The following DUSP15 variants were observed in gnomAD, a reference collection of about 807,000 sequenced individuals.
DUSP15 encodes the protein dual specificity phosphatase 15.
DUSP15 carries 23 observed loss-of-function variants against 26.3 expected under a neutral mutation model. The ratio of observed to expected loss-of-function variants is 0.87; its 90% CI spans 0.63 to 1.24. The LOEUF is 1.24. Among genes scored for constraint, DUSP15 ranks in the 50% most tolerant of loss-of-function variants. DUSP15 has a pLI of 0.00. For missense variants in DUSP15, 364 were observed against 320.6 expected, an observed-to-expected ratio of 1.14 and a Z score of -1.03; for synonymous variants, 143 against 135.5, an observed-to-expected ratio of 1.06 and a Z score of -0.39.
intron 5 of DUSP15, 108 bp downstream of exon 5, chr20:31,863,798 TG>T: frequency 9.1e-7 from 1 of 1,095,358 alleles, no homozygotes; most frequent in Non-Finnish European, 1.4e-6. Context: ...TGTGACAGGC[TG>T]GAGAAGATCC....
At position 31,870,085 on chromosome 20, in the gene DUSP15, G is replaced by A; in HGVS notation, c.21+232C>T. On this transcript the variant is annotated intron_variant, in intron 1 of 6. Coordinates refer to ENST00000339738, the MANE Select transcript of DUSP15 (RefSeq NM_080611.5). The surrounding 1 kb of genome is among the most constrained non-coding windows in gnomAD (Gnocchi z 6.6). The stretch of plus-strand genomic sequence containing the variant: ...TGGGAGTGACAGCCACAGCAAGACA[G>A]CGAGAGACACACAGAGTCACGGAGA... The A allele has an allele frequency of 6.4e-6, 8 of 1,257,562 alleles. No homozygotes were observed. Among genetic ancestry groups the A allele is most frequent in the South Asian group, 3.4e-5 (1 of 29,464 alleles). The allele number at this position is 1,257,562 out of a possible 1,614,324, so 77.9% of individuals were successfully genotyped here.
chr20:31,864,576 C>G (rs896035030), intron 4 of DUSP15: 1 of 565,096 alleles, frequency 1.8e-6, no homozygotes, highest in Admixed American at 6.4e-5. Flanking sequence ...AGGCCCAGAG[C>G]GGGGAAGTGA....
At chr20:31,866,999 A>G in intron 3 of DUSP15, 72 bp downstream of exon 3, 2 of 1,389,480 alleles carry the variant, frequency 1.4e-6, no homozygotes, top group Non-Finnish European at 2.0e-6. Flanking sequence ...CACCTAGCAC[A>G]TAGTAGATAT....
At chr20:31,865,231 G>A (rs2377318) in intron 3 of DUSP15, among the ~76,000 whole-genome samples, 42,689 of 151,972 alleles carry the variant, frequency 0.28, 6,328 homozygotes, top group South Asian at 0.39. Context: ...CCCCATCAGC[G>A]GCGTGGGCAT....
In DUSP15 at chr20:31,869,548, A is replaced by C; in HGVS notation, c.55+16T>G. On this transcript the variant is annotated intron_variant, in intron 2 of 6. Coordinates refer to ENST00000339738, the MANE Select transcript of DUSP15 (RefSeq NM_080611.5). Reference sequence around the variant, plus strand: ...GCAGAGTGCCATGGCCTCGGGACAGAGTGGGCAGTGCTCACCAATGAAGTT... The same window carrying C: ...GCAGAGTGCCATGGCCTCGGGACAGCGTGGGCAGTGCTCACCAATGAAGTT... 2 of 1,610,838 alleles carry C rather than the reference A, an allele frequency of 1.2e-6. No individual in the cohort carries two copies. The highest frequency in any genetic ancestry group is 8.5e-7 in the Non-Finnish European group (1 of 1,178,742).
At chr20:31,848,175 C>T (rs2062397800) in exon 10 of DUSP15, 2 of 501,920 alleles carry the variant, frequency 4.0e-6, no homozygotes, top group Non-Finnish European at 6.9e-6. Flanking sequence ...TGCTGCCTTT[C>T]TGGGGCCTCA....
chr20:31,857,472 C>T (rs1229816259), downstream of DUSP15, among the ~76,000 whole-genome samples: 2 of 151,950 alleles, frequency 1.3e-5, no homozygotes, highest in Non-Finnish European at 2.9e-5. Context: ...TGGTTTTGAC[C>T]CTCCCCTACC....
chr20:31,859,301 G>T (rs748207254), downstream of DUSP15, among the ~76,000 whole-genome samples: 4,304 of 46,534 alleles, frequency 0.092, 107 homozygotes, highest in Non-Finnish European at 0.11. Flanking sequence ...CATTTTTTTG[G>T]GGGGGGGGGA....
At chr20:31,848,740 T>G in intron 9 of DUSP15, 1 of 1,527,034 alleles carries the variant, frequency 6.5e-7, no homozygotes. Context: ...GGAGGGAGTG[T>G]GGGAAGGGCT....
chr20:31,867,042 C>T, intron 3 of DUSP15, 29 bp downstream of exon 3: 2 of 1,549,704 alleles, frequency 1.3e-6, no homozygotes, highest in Non-Finnish European at 1.8e-6. Context: ...CCCACCCCCG[C>T]ATAGCCCTGG....
At chr20:31,864,756 C>T (rs929337038) in intron 4 of DUSP15, among the ~76,000 whole-genome samples, 197 bp downstream of exon 4, 10 of 152,170 alleles carry the variant, frequency 6.6e-5, no homozygotes, top group African/African-American at 1.7e-4. Context: ...GACTGAGGCT[C>T]GGGGAGGTGG....
downstream of DUSP15, among the ~76,000 whole-genome samples, chr20:31,859,014 T>C (rs772019998): frequency 2.0e-5 from 3 of 152,184 alleles, no homozygotes; most frequent in Admixed American, 6.5e-5. Context: ...CTAAACACTT[T>C]CCTGCAGTGT....
At position 31,870,324 on chromosome 20, in the gene DUSP15, A is replaced by G. The variant is rs1488610236; in HGVS notation, c.14T>C (p.Met5Thr). The G allele has an allele frequency of 3.6e-5, 46 of 1,268,152 alleles. No individual in the cohort carries two copies. Among genetic ancestry groups the G allele is most frequent in the South Asian group, 7.2e-5 (2 of 27,770 alleles). 78.6% of individuals were successfully genotyped at this position (1,268,152 alleles called of 1,614,324 possible). The change falls in exon 1 of 7, where the codon ATG (methionine) becomes ACG (threonine). Residue 5 changes from methionine (M) to threonine (T), a missense_variant. Met to Thr is a moderately conservative substitution (Grantham distance 81). Transcript: ENST00000339738. The surrounding 1 kb of genome is among the most constrained non-coding windows in gnomAD (Gnocchi z 6.6). The stretch of plus-strand genomic sequence containing the variant: ...GCGGGGCCCGCCCCCTACCTTGGTC[A>G]TGCCATTGCCCATGATCCCGGGGGC... MGNG[M>T]TKVLPGLYLG...
downstream of DUSP15, among the ~76,000 whole-genome samples, chr20:31,846,478 A>AGAGAGGG (rs1568647443): frequency 4.7e-5 from 6 of 126,580 alleles, no homozygotes; most frequent in African/African-American, 1.9e-4. Context: ...GAGAGAGAGG[A>AGAGAGGG]GAGAGAGGCA....
downstream of DUSP15, among the ~76,000 whole-genome samples, chr20:31,845,935 GAGAT>G (rs922909169): frequency 3.3e-5 from 5 of 152,106 alleles, no homozygotes; most frequent in African/African-American, 1.2e-4. Flanking sequence ...AGGGAAAAAA[GAGAT>G]AGAGACAGAG....
chr20:31,857,445 A>G (rs1026344371), downstream of DUSP15, among the ~76,000 whole-genome samples: 3 of 151,554 alleles, frequency 2.0e-5, no homozygotes, highest in Non-Finnish European at 2.9e-5. Flanking sequence ...TTGAGGCACA[A>G]CTCCTGGCCA....
chr20:31,861,021 C>A (rs1265144323), downstream of DUSP15: 11 of 1,043,010 alleles, frequency 1.1e-5, no homozygotes, highest in Non-Finnish European at 1.3e-5. Flanking sequence ...TGGCTCCTGG[C>A]AGAATCCTGC....
chr20:31,848,634 C>T (rs2123166948), intron 9 of DUSP15: 2 of 1,482,724 alleles, frequency 1.3e-6, no homozygotes, highest in Non-Finnish European at 1.8e-6. Context: ...CATGGGAAGT[C>T]ACAGCCCTAG....
downstream of DUSP15, among the ~76,000 whole-genome samples, chr20:31,860,152 C>T (rs1325885809): frequency 1.3e-5 from 2 of 152,200 alleles, no homozygotes; most frequent in African/African-American, 4.8e-5. Context: ...AGCACAATGG[C>T]TGGCACACAG....
Sources: allele counts gnomAD v4.1 joint callset (sites outside exome capture counted in the v4.1 genomes callset), GRCh38; gene constraint gnomAD v4.1.1; non-coding constraint Gnocchi (gnomAD v3.1); transcripts MANE v1.5; gene names NCBI Gene and HGNC (gene_info 2026-07-23, HGNC 2026-07-21).